Variants in ARSG observed in about 807,000 individuals in gnomAD.
The protein encoded by ARSG is ASG.
A neutral mutation model predicts 50.5 loss-of-function variants in ARSG; 37 were observed. The ratio of observed to expected loss-of-function variants is 0.73; its 90% CI spans 0.56 to 0.96. The LOEUF is 0.96. Among genes scored for constraint, ARSG ranks in the 50% least tolerant of loss-of-function variants. ARSG has a pLI of 0.00. For synonymous variants in ARSG, 225 were observed against 254.6 expected (o/e 0.88, Z 1.11); for missense variants, 629 against 675.3 (o/e 0.93, Z 0.76).
In ARSG at chr17:68,408,345, A is replaced by G. The variant is rs554704560; in HGVS notation, c.1303+6895A>G. ...TGTGTCCATGTGTTCTCATTGTTCA[A>G]TTCCCACCTATGAGTGAGAAGATGT... On this transcript the variant is annotated intron_variant, in intron 11 of 11. Transcript: ENST00000621439. 2.7e-4 allele frequency among the ~76,000 whole-genome samples: 37 copies of G among 139,574 alleles called. No individual in the cohort carries two copies. The South Asian group carries it at 6.3e-3, about 24-fold the overall frequency. The allele number at this position is 139,574 out of a possible 152,430, so 91.6% of individuals were successfully genotyped here.
the ARSG span, among the ~76,000 whole-genome samples, chr17:68,441,614 G>T: frequency 6.6e-6 from 1 of 152,284 alleles, no homozygotes; most frequent in South Asian, 2.1e-4. Context: ...TCACTGAAGC[G>T]CAGCTCTGAC....
intron 2 of ARSG, among the ~76,000 whole-genome samples, chr17:68,313,687 T>TG (rs1299919645): frequency 6.7e-6 from 1 of 149,318 alleles, no homozygotes; most frequent in African/African-American, 2.5e-5. Context: ...CTCTCTCTTT[T>TG]TTTTTTTTTT....
chr17:68,343,499 T>G, intron 2 of ARSG, 105 bp from the exon 3 acceptor site: 3 of 1,156,808 alleles, frequency 2.6e-6, no homozygotes, highest in Non-Finnish European at 3.6e-6. Context: ...GGGTGATCTT[T>G]GATCTTTGAG....
At position 68,361,233 on chromosome 17, in the gene ARSG, A is replaced by G. The variant is rs188711132; in HGVS notation, c.704+4429A>G. 1.7e-3 allele frequency among the ~76,000 whole-genome samples: 259 copies of G among 152,266 alleles called. 1 individual carries two copies. Among genetic ancestry groups the G allele is most frequent in the African/African-American group, 6.1e-3 (252 of 41,552 alleles). On this transcript the variant is annotated intron_variant, in intron 6 of 11. Transcript: ENST00000621439. ...TAGGAGGTGGGGCCATTAGGAGGAAATTAGGTTTAGATAAGATCATGAGAG... is the reference window on the plus strand; with the variant it reads ...TAGGAGGTGGGGCCATTAGGAGGAAGTTAGGTTTAGATAAGATCATGAGAG...
rs781967745 is a variant in ARSG, at chr17:68,270,802, A to G, written c.-552+11376A>G. 9.9e-6 allele frequency: 15 copies of G among 1,516,070 alleles called. No individual in the cohort carries two copies. In the South Asian group the frequency reaches 1.2e-4, roughly 12 times the overall value. 93.9% of individuals were successfully genotyped at this position (1,516,070 alleles called of 1,614,324 possible). ...GAAGCTAGCACAATTCACAAGGGAA[A>G]GTAGACAAGTGTTTGTATTTTGTGT... On this transcript the variant is annotated intron_variant, in intron 1 of 11. Transcript: ENST00000448504.
At chr17:68,345,622 G>C (rs1393007044) in intron 3 of ARSG, among the ~76,000 whole-genome samples, 1 of 152,146 alleles carries the variant, frequency 6.6e-6, no homozygotes, top group Non-Finnish European at 1.5e-5. Flanking sequence ...ACCCACCAAA[G>C]GAATATCAGA....
At chr17:68,347,040 G>A (rs2078540935) in intron 3 of ARSG, 85 bp from the exon 4 acceptor site, 1 of 1,579,780 alleles carries the variant, frequency 6.3e-7, no homozygotes, top group Non-Finnish European at 8.7e-7. Context: ...AGCTAATGGA[G>A]AGCTGAGTGT....
the ARSG span, chr17:68,436,612 G>A: frequency 1.4e-6 from 1 of 723,730 alleles, no homozygotes; most frequent in South Asian, 1.9e-5. Context: ...GCAGACAACT[G>A]CTTTCCGCTG....
At chr17:68,303,216 C>G (rs1345083271) in intron 1 of ARSG, among the ~76,000 whole-genome samples, 3 of 152,184 alleles carry the variant, frequency 2.0e-5, no homozygotes, top group Non-Finnish European at 4.4e-5. Flanking sequence ...CCTTGAACTC[C>G]TGGGCTCCAG....
At chr17:68,320,150 G>T (rs1400999235) in intron 2 of ARSG, among the ~76,000 whole-genome samples, 1 of 152,184 alleles carries the variant, frequency 6.6e-6, no homozygotes, top group Non-Finnish European at 1.5e-5. Flanking sequence ...TTAGTCGGGC[G>T]TGATGGCGTG....
chr17:68,378,684 C>G lies in ARSG; in HGVS notation c.983-6380C>G, dbSNP rs1450187080. ...TGCCAGATCTGTTTCCTACCCAGGA[C>G]AGAACCAACACCTTGTTTTTCCCCT... On this transcript the variant is annotated intron_variant, in intron 8 of 11. Coordinates refer to ENST00000621439, the MANE Select transcript of ARSG (RefSeq NM_001267727.2). The surrounding 1 kb of genome is among the most constrained non-coding windows in gnomAD (Gnocchi z 4.4). Among the ~76,000 whole-genome samples, 1 of 152,222 alleles carries G rather than the reference C, an allele frequency of 6.6e-6. No individual in the cohort carries two copies. The highest frequency in any genetic ancestry group is 1.5e-5 in the Non-Finnish European group (1 of 68,044).
chr17:68,422,264 A>G (rs1156887862), downstream of ARSG: 1 of 160,492 alleles, frequency 6.2e-6, no homozygotes, highest in Non-Finnish European at 1.4e-5. Context: ...CATCGCTACT[A>G]AAAAATACAA....
chr17:68,328,152 C>A (rs1180295286), intron 2 of ARSG, among the ~76,000 whole-genome samples: 1 of 152,062 alleles, frequency 6.6e-6, no homozygotes, highest in Non-Finnish European at 1.5e-5. Context: ...GCCACTCACC[C>A]CCAGAGTTCC....
At chr17:68,439,654 T>TTTTATTTTA in the ARSG span, among the ~76,000 whole-genome samples, 2 of 152,218 alleles carry the variant, frequency 1.3e-5, no homozygotes, top group Admixed American at 1.3e-4. Flanking sequence ...GATTTTCAAA[T>TTTTATTTTA]TTTATTTTAA....
At chr17:68,342,165 C>T (rs768140884) in intron 2 of ARSG, among the ~76,000 whole-genome samples, 1 of 151,994 alleles carries the variant, frequency 6.6e-6, no homozygotes, top group Non-Finnish European at 1.5e-5. Flanking sequence ...TATCAAGCCA[C>T]CGTGAGTACT....
chr17:68,342,398 G>A (rs1440629137), intron 2 of ARSG, among the ~76,000 whole-genome samples: 2 of 148,522 alleles, frequency 1.3e-5, no homozygotes, highest in African/African-American at 2.5e-5. Flanking sequence ...CTGTCACCCA[G>A]GCTGGAGTGC....
intron 1 of ARSG, among the ~76,000 whole-genome samples, chr17:68,293,541 C>A (rs7209064): frequency 0.25 from 37,976 of 151,652 alleles, 5,478 homozygotes; most frequent in African/African-American, 0.4. Context: ...TAATGTGTTA[C>A]TATTCTTATA....
chr17:68,297,187 A>G (rs1568432038), intron 1 of ARSG, among the ~76,000 whole-genome samples: 1 of 152,238 alleles, frequency 6.6e-6, no homozygotes, highest in Non-Finnish European at 1.5e-5. Context: ...ATGGAAATGT[A>G]ACTTCCATTT....
chr17:68,409,599 A>G (rs1331399337), intron 11 of ARSG, among the ~76,000 whole-genome samples: 2 of 151,826 alleles, frequency 1.3e-5, no homozygotes, highest in Non-Finnish European at 2.9e-5. Context: ...TGACTTGGCG[A>G]TGCGGGCTCT....
Sources: allele counts gnomAD v4.1 joint callset (sites outside exome capture counted in the v4.1 genomes callset), GRCh38; gene constraint gnomAD v4.1.1; non-coding constraint Gnocchi (gnomAD v3.1); transcripts MANE v1.5; gene names NCBI Gene and HGNC (gene_info 2026-07-23, HGNC 2026-07-21).